Variants in DYNC2I2 observed in about 807,000 individuals in gnomAD.
DYNC2I2 encodes dynein 2 intermediate chain 2.
In DYNC2I2, 39 loss-of-function variants were observed where a neutral mutation model predicts 52.0. The ratio of observed to expected loss-of-function variants is 0.75; its 90% CI spans 0.58 to 0.98. DYNC2I2 has a LOEUF of 0.98. DYNC2I2 is among the 50% of genes least tolerant of loss of function. The pLI, the probability that DYNC2I2 is intolerant of heterozygous loss-of-function variation, is 0.00. For missense variants in DYNC2I2, 743 were observed against 728.4 expected, an observed-to-expected ratio of 1.02 and a Z score of -0.23; for synonymous variants, 359 against 321.1, an observed-to-expected ratio of 1.12 and a Z score of -1.26.
At chr9:128,672,471 G>A in the DYNC2I2 span, among the ~76,000 whole-genome samples, 1 of 150,372 alleles carries the variant, frequency 6.7e-6, no homozygotes, top group Non-Finnish European at 1.5e-5. Context: ...TGAGATTACA[G>A]TTGTGAGCCA....
chr9:128,678,578 C>T, the DYNC2I2 span, among the ~76,000 whole-genome samples: 55 of 148,560 alleles, frequency 3.7e-4, 1 homozygote, highest in South Asian at 0.012. Context: ...TCTCCTGCCT[C>T]AGCTTCCTGA....
chr9:128,644,712 A>G (rs1860581104), intron 1 of DYNC2I2, among the ~76,000 whole-genome samples: 1 of 152,232 alleles, frequency 6.6e-6, no homozygotes, highest in Non-Finnish European at 1.5e-5. Flanking sequence ...TTGCAGATTC[A>G]GCACTTTTCA....
intron 1 of DYNC2I2, among the ~76,000 whole-genome samples, chr9:128,655,934 G>C (rs1860813827): frequency 7.6e-6 from 1 of 132,010 alleles, no homozygotes; most frequent in Non-Finnish European, 1.6e-5. Flanking sequence ...AAGCCTGAAC[G>C]CGGTGGCTCA....
intron 1 of DYNC2I2, among the ~76,000 whole-genome samples, chr9:128,644,275 C>CTT (rs10660438): frequency 0.97 from 143,131 of 146,960 alleles, 69,760 homozygotes; most frequent in South Asian, 1. Flanking sequence ...CCCAGGCGGC[C>CTT]TTTTTTTTTT....
intron 1 of DYNC2I2, among the ~76,000 whole-genome samples, chr9:128,643,295 G>A (rs1015960585): frequency 6.6e-6 from 1 of 152,150 alleles, no homozygotes; most frequent in Admixed American, 6.6e-5. Flanking sequence ...GGGAGGCTGA[G>A]GCGGGTTGAT....
intron 1 of DYNC2I2, among the ~76,000 whole-genome samples, chr9:128,655,754 C>T: frequency 6.9e-6 from 1 of 145,672 alleles, no homozygotes; most frequent in Non-Finnish European, 1.5e-5. Context: ...CTAAAAAATA[C>T]AAAAAAATTA....
At position 128,640,780 on chromosome 9, in the gene DYNC2I2, C is replaced by A. The variant is rs1860499137; in HGVS notation, c.346G>T (p.Glu116Ter). 6.2e-7 allele frequency: 1 copy of A among 1,614,072 alleles called. No homozygotes were observed. Among genetic ancestry groups the A allele is most frequent in the South Asian group, 1.1e-5 (1 of 91,090 alleles). The change falls in exon 2 of 9, where the codon GAG becomes TAG. Residue 116 changes from glutamate to a stop codon, truncating the protein, a stop_gained. Transcript: ENST00000372715. LOFTEE classifies it high-confidence loss of function. ...PRLAAFLRRVEAMVIRELNKN... is the reference protein window; with the variant it reads ...PRLAAFLRRV ...TTCAGCTCTCGGATGACCATGGCCT[C>A]CACTCTCCGAAGAAAGGCTGCGAGC...
At chr9:128,641,364 G>A (rs1357219326) in intron 1 of DYNC2I2, among the ~76,000 whole-genome samples, 1 of 152,014 alleles carries the variant, frequency 6.6e-6, no homozygotes, top group Admixed American at 6.6e-5. Context: ...CACACCACCA[G>A]GCCCTCCCTC....
At chr9:128,665,428 T>G in the DYNC2I2 span, among the ~76,000 whole-genome samples, 1 of 152,058 alleles carries the variant, frequency 6.6e-6, no homozygotes, top group South Asian at 2.1e-4. Context: ...TGACCTTAAA[T>G]TAGGGCTTTC....
intron 1 of DYNC2I2, among the ~76,000 whole-genome samples, chr9:128,641,714 TC>T (rs1860517202): frequency 6.6e-6 from 1 of 152,110 alleles, no homozygotes; most frequent in East Asian, 1.9e-4. Context: ...CCACACTCCC[TC>T]CTTCCCATCT....
chr9:128,644,490 G>A lies in DYNC2I2; in HGVS notation c.187-3551C>T, dbSNP rs571238169. Among the ~76,000 whole-genome samples the A allele has an allele frequency of 2.0e-5, 3 of 152,076 alleles. No individual in the cohort carries two copies. The South Asian group carries it at 6.2e-4, about 32-fold the overall frequency. ...GACAGGGTCTCACTATATTATCTAG[G>A]CTTGTCTCCAACTCCTGGGCTCAAG... On this transcript the variant is annotated intron_variant, in intron 1 of 8. Coordinates refer to ENST00000372715, the MANE Select transcript of DYNC2I2 (RefSeq NM_052844.4).
the DYNC2I2 span, among the ~76,000 whole-genome samples, chr9:128,676,855 TG>T: frequency 4.6e-4 from 69 of 150,778 alleles, no homozygotes; most frequent in Admixed American, 4.2e-3. Flanking sequence ...TTTTTTGTTT[TG>T]TTTTGTTTTT....
upstream of DYNC2I2, among the ~76,000 whole-genome samples, chr9:128,658,900 T>C (rs1040319103): frequency 4.6e-5 from 7 of 151,524 alleles, no homozygotes; most frequent in Admixed American, 3.3e-4. Flanking sequence ...AATTTTTGTG[T>C]TTTTGTAGAG....
intron 4 of DYNC2I2, 103 bp from the exon 5 acceptor site, chr9:128,635,870 A>C (rs1860399090): frequency 1.8e-6 from 2 of 1,091,712 alleles, no homozygotes; most frequent in Non-Finnish European, 2.7e-6. Flanking sequence ...GGCCAGGGCC[A>C]GGCGGCAGAG....
chr9:128,682,819 G>C, the DYNC2I2 span, among the ~76,000 whole-genome samples: 1 of 151,316 alleles, frequency 6.6e-6, no homozygotes, highest in South Asian at 2.1e-4. Context: ...GGGACTACAG[G>C]TGCCCACCTC....
At chr9:128,676,813 C>T in the DYNC2I2 span, among the ~76,000 whole-genome samples, 10 of 149,098 alleles carry the variant, frequency 6.7e-5, no homozygotes, top group Non-Finnish European at 8.9e-5. Context: ...GATTACAGGC[C>T]TGAGCCACTA....
At position 128,655,335 on chromosome 9, in the gene DYNC2I2, T is replaced by TAAAAAAAAAAAAAAAAAAAAAA. The variant is rs869197100; in HGVS notation, c.186+1184_186+1205dup. The stretch of plus-strand genomic sequence containing the variant: ...TAACACGGTGAAACCCCGTCTCTAC[T>TAAAAAAAAAAAAAAAAAAAAAA]AAAAAAAAAAAAAAAAAAAAAAAAA... On this transcript the variant is annotated intron_variant, in intron 1 of 8. Coordinates refer to ENST00000372715, the MANE Select transcript of DYNC2I2 (RefSeq NM_052844.4). Among the ~76,000 whole-genome samples, 6 of 18,694 alleles carry TAAAAAAAAAAAAAAAAAAAAAA rather than the reference T, an allele frequency of 3.2e-4. 1 individual carries two copies. Among genetic ancestry groups the TAAAAAAAAAAAAAAAAAAAAAA allele is most frequent in the South Asian group, 2.5e-3 (1 of 396 alleles). The allele number at this position is 18,694 out of a possible 152,430, so 12.3% of individuals were successfully genotyped here. A position where few individuals can be genotyped will look rare whatever the true frequency, so the allele number is the denominator to read the frequency against.
chr9:128,660,212 C>T (rs1027738159), upstream of DYNC2I2, among the ~76,000 whole-genome samples: 9 of 151,202 alleles, frequency 6.0e-5, no homozygotes, highest in East Asian at 7.9e-4. Context: ...GGGTTCACGC[C>T]GTTCTCCTGC....
At chr9:128,678,432 G>A in the DYNC2I2 span, among the ~76,000 whole-genome samples, 1 of 109,086 alleles carries the variant, frequency 9.2e-6, no homozygotes, top group Non-Finnish European at 1.9e-5. Context: ...ATGTTCATGT[G>A]TAGAGACCAC....
Sources: gnomAD v4.1 joint callset for allele counts (sites outside exome capture counted in the v4.1 genomes callset) on GRCh38, gnomAD v4.1.1 for gene constraint, MANE v1.5 for transcripts, NCBI Gene and HGNC (gene_info 2026-07-23, HGNC 2026-07-21) for gene names.